Variants in RBM20 observed in about 807,000 individuals in gnomAD.
RBM20 encodes RNA-binding protein 20.
RBM20 carries 51 observed loss-of-function variants against 110.1 expected under a neutral mutation model. That is an observed-to-expected ratio of 0.46 (90% confidence interval 0.37 to 0.59). RBM20 has a LOEUF of 0.59. Among genes scored for constraint, RBM20 ranks in the 20% least tolerant of loss-of-function variants. The pLI, the probability that RBM20 is intolerant of heterozygous loss-of-function variation, is 0.00. For synonymous variants in RBM20, 589 were observed against 618.2 expected (o/e 0.95, Z 0.70); for missense variants, 1,512 against 1,574.9 (o/e 0.96, Z 0.68).
chr10:110,672,812 C>T (rs1424959442), intron 1 of RBM20, among the ~76,000 whole-genome samples: 3 of 152,330 alleles, frequency 2.0e-5, no homozygotes, highest in East Asian at 1.9e-4. Flanking sequence ...CAGTAGAAAG[C>T]AGGGAGGAAA....
At chr10:110,661,734 G>A (rs1043202846) in intron 1 of RBM20, among the ~76,000 whole-genome samples, 4 of 152,174 alleles carry the variant, frequency 2.6e-5, no homozygotes, top group Non-Finnish European at 4.4e-5. Flanking sequence ...TAGGGGCCAG[G>A]CACGGTGGCT....
intron 5 of RBM20, among the ~76,000 whole-genome samples, chr10:110,786,150 CT>C (rs1221739374): frequency 2.6e-5 from 4 of 152,216 alleles, no homozygotes; most frequent in Non-Finnish European, 5.9e-5. Flanking sequence ...TCTTCTTCTC[CT>C]CTGGGCAGGA....
At chr10:110,753,088 G>A (rs113252887) in intron 1 of RBM20, among the ~76,000 whole-genome samples, 20,640 of 150,992 alleles carry the variant, frequency 0.14, 1,803 homozygotes, top group Middle Eastern at 0.22. Context: ...GCAGGCGTGC[G>A]CCACCATACC....
At chr10:110,694,583 G>T (rs1862633921) in intron 1 of RBM20, among the ~76,000 whole-genome samples, 1 of 152,156 alleles carries the variant, frequency 6.6e-6, no homozygotes, top group African/African-American at 2.4e-5. Context: ...ACAGGAGATT[G>T]GACTCAAGTT....
chr10:110,780,068 G>GT (rs1382229414), intron 1 of RBM20, among the ~76,000 whole-genome samples: 4 of 152,268 alleles, frequency 2.6e-5, no homozygotes, highest in Admixed American at 2.0e-4. Context: ...GAAGGGTGAG[G>GT]TGGGGGGAGC....
intron 1 of RBM20, among the ~76,000 whole-genome samples, chr10:110,665,427 A>T (rs1862162162): frequency 6.6e-6 from 1 of 152,216 alleles, no homozygotes; most frequent in African/African-American, 2.4e-5. Context: ...GGATGCAGGA[A>T]CATGTACAAA....
intron 1 of RBM20, among the ~76,000 whole-genome samples, chr10:110,699,731 T>C (rs1461243911): frequency 6.6e-6 from 1 of 151,952 alleles, no homozygotes; most frequent in Non-Finnish European, 1.5e-5. Context: ...AAACTGCAAA[T>C]AGTACTGAAC....
intron 1 of RBM20, among the ~76,000 whole-genome samples, chr10:110,666,108 G>C (rs1197571593): frequency 6.6e-6 from 1 of 152,132 alleles, no homozygotes; most frequent in Non-Finnish European, 1.5e-5. Flanking sequence ...TCTGGGATTA[G>C]CTTCAAAATA....
chr10:110,836,590 C>T lies in RBM20; in HGVS notation c.*612C>T, dbSNP rs1845134020. 1 of 152,138 alleles carries T rather than the reference C, an allele frequency of 6.6e-6. No homozygotes were observed. Among genetic ancestry groups the T allele is most frequent in the Non-Finnish European group, 1.5e-5 (1 of 68,042 alleles). 9.4% of individuals were successfully genotyped at this position (152,138 alleles called of 1,614,324 possible). A position where few individuals can be genotyped will look rare whatever the true frequency, so the allele number is the denominator to read the frequency against. ...TAACCTCTTCCTCCAACTGGGCCAC[C>T]CTTTTGAAAAGCCCCTGTTTTTAAT... On this transcript the variant is annotated 3_prime_UTR_variant, in exon 14 of 14. Transcript: ENST00000369519.
At chr10:110,693,874 G>T (rs1174890497) in intron 1 of RBM20, among the ~76,000 whole-genome samples, 1 of 152,164 alleles carries the variant, frequency 6.6e-6, no homozygotes, top group Non-Finnish European at 1.5e-5. Context: ...TATCATTATT[G>T]ACTCACAATT....
intron 7 of RBM20, among the ~76,000 whole-genome samples, chr10:110,802,119 A>C (rs1844634204): frequency 6.6e-6 from 1 of 152,232 alleles, no homozygotes; most frequent in South Asian, 2.1e-4. Context: ...TCCATTTAAT[A>C]GGGATTTTCC....
In RBM20 at chr10:110,812,240, G is replaced by A. The variant is rs747603913; in HGVS notation, c.1881-38G>A. 20 of 1,499,702 alleles carry A rather than the reference G, an allele frequency of 1.3e-5. No individual in the cohort carries two copies. In the Admixed American group the frequency reaches 2.5e-4, roughly 18 times the overall value. 92.9% of individuals were successfully genotyped at this position (1,499,702 alleles called of 1,614,324 possible). On this transcript the variant is annotated intron_variant, in intron 8 of 13. Coordinates refer to ENST00000369519, the MANE Select transcript of RBM20 (RefSeq NM_001134363.3). ...GTGTGGGTGGGGTGGGATGGGAGGTGTGAAGATTCTAAATCCTGCTCCTTG... is the reference window on the plus strand; with the variant it reads ...GTGTGGGTGGGGTGGGATGGGAGGTATGAAGATTCTAAATCCTGCTCCTTG...
chr10:110,779,211 G>A (rs561472757), intron 1 of RBM20, among the ~76,000 whole-genome samples: 14 of 152,354 alleles, frequency 9.2e-5, no homozygotes, highest in African/African-American at 3.4e-4. Context: ...GGATGGAAGG[G>A]TTGGGACTTT....
At chr10:110,771,376 G>A (rs1444639514) in intron 1 of RBM20, among the ~76,000 whole-genome samples, 4 of 152,150 alleles carry the variant, frequency 2.6e-5, no homozygotes, top group Non-Finnish European at 5.9e-5. Flanking sequence ...TGATCCGCCT[G>A]CCTCACCCTC....
At chr10:110,733,378 G>A (rs751858083) in intron 1 of RBM20, among the ~76,000 whole-genome samples, 10 of 152,218 alleles carry the variant, frequency 6.6e-5, no homozygotes, top group African/African-American at 1.9e-4. Flanking sequence ...GAAACCACAC[G>A]GTATAGAGCC....
At chr10:110,691,117 T>C (rs1862579916) in intron 1 of RBM20, among the ~76,000 whole-genome samples, 1 of 152,204 alleles carries the variant, frequency 6.6e-6, no homozygotes, top group Non-Finnish European at 1.5e-5. Context: ...TTGCTCTTGC[T>C]CTTGCTCTCT....
intron 1 of RBM20, among the ~76,000 whole-genome samples, chr10:110,736,615 A>G (rs1260247331): frequency 6.6e-6 from 1 of 152,200 alleles, no homozygotes; most frequent in Non-Finnish European, 1.5e-5. Context: ...TGTGCTGGGA[A>G]TGCAGAAACA....
chr10:110,752,914 TTTATAC>T (rs1843871887), intron 1 of RBM20, among the ~76,000 whole-genome samples: 1 of 132,756 alleles, frequency 7.5e-6, no homozygotes, highest in South Asian at 2.4e-4. Context: ...ATATTATATA[TTTATAC>T]ATATATATAT....
intron 1 of RBM20, among the ~76,000 whole-genome samples, chr10:110,723,875 C>G (rs1417562434): frequency 6.6e-6 from 1 of 152,150 alleles, no homozygotes. Context: ...ATTTTCAGTT[C>G]ATATGAAATT....
Sources: gnomAD v4.1 joint callset for allele counts (sites outside exome capture counted in the v4.1 genomes callset) on GRCh38, gnomAD v4.1.1 for gene constraint, MANE v1.5 for transcripts, NCBI Gene and HGNC (gene_info 2026-07-23, HGNC 2026-07-21) for gene names.